The following NFIA variants were observed in gnomAD, a reference collection of about 807,000 sequenced individuals.
NFIA encodes nuclear factor I A.
A neutral mutation model predicts 62.8 loss-of-function variants in NFIA; 8 were observed. That is an observed-to-expected ratio of 0.13 (90% CI 0.07 to 0.23). NFIA has a LOEUF of 0.23. Ranked by LOEUF, NFIA falls within the 10% of genes least tolerant of loss-of-function variation. The probability of loss-of-function intolerance (pLI) is 1.00; values close to 1 mark genes in which losing one functional copy is unlikely to be tolerated. For missense variants in NFIA, 410 were observed against 642.1 expected (o/e 0.64, Z 3.91); for synonymous variants, 235 against 238.1 (o/e 0.99, Z 0.12).
At chr1:61,145,924 T>C (rs897385213) in intron 2 of NFIA, among the ~76,000 whole-genome samples, 6 of 152,234 alleles carry the variant, frequency 3.9e-5, no homozygotes, top group Non-Finnish European at 8.8e-5. Flanking sequence ...TCCTGTGTTT[T>C]AGTTTCCTAT....
intron 6 of NFIA, 141 bp downstream of exon 6, chr1:61,359,415 A>G (rs1663163169): frequency 3.3e-6 from 4 of 1,214,138 alleles, no homozygotes; most frequent in Non-Finnish European, 4.6e-6. Flanking sequence ...TTGTATTGTA[A>G]TCTGATTGCC....
intron 2 of NFIA, among the ~76,000 whole-genome samples, chr1:61,174,234 G>T (rs2100552355): frequency 6.6e-6 from 1 of 152,322 alleles, no homozygotes; most frequent in African/African-American, 2.4e-5. Flanking sequence ...CCTTGGGTCT[G>T]TTCCCAGCCT....
intron 2 of NFIA, among the ~76,000 whole-genome samples, chr1:61,179,978 T>C (rs1026855194): frequency 6.6e-6 from 1 of 152,186 alleles, no homozygotes; most frequent in African/African-American, 2.4e-5. Context: ...GCGGCTGATA[T>C]CGAGTCAATC....
At chr1:61,437,496 G>A (rs1412671765) in intron 10 of NFIA, among the ~76,000 whole-genome samples, 1 of 152,106 alleles carries the variant, frequency 6.6e-6, no homozygotes, top group African/African-American at 2.4e-5. Context: ...TGATCTTAGA[G>A]AGGAGAAAGA....
chr1:61,136,259 T>A (rs545151041), intron 2 of NFIA, among the ~76,000 whole-genome samples: 2 of 152,344 alleles, frequency 1.3e-5, no homozygotes, highest in African/African-American at 4.8e-5. Flanking sequence ...AAGCTATTTT[T>A]CCTGACAACT....
intron 10 of NFIA, among the ~76,000 whole-genome samples, chr1:61,435,216 C>T (rs1436781413): frequency 2.0e-5 from 3 of 152,198 alleles, no homozygotes; most frequent in African/African-American, 4.8e-5. Flanking sequence ...CCTGTTCTGA[C>T]ATCCTGGCTG....
intron 6 of NFIA, among the ~76,000 whole-genome samples, chr1:61,364,324 C>T (rs1291943421): frequency 2.0e-5 from 3 of 152,118 alleles, no homozygotes; most frequent in African/African-American, 7.2e-5. Context: ...CTGTCTTTTC[C>T]ATTGCTGTAT....
chr1:61,263,393 G>T (rs1241336182), intron 2 of NFIA, among the ~76,000 whole-genome samples: 1 of 152,190 alleles, frequency 6.6e-6, no homozygotes, highest in Non-Finnish European at 1.5e-5. Flanking sequence ...GCACAGGCAG[G>T]AGTGTGGGGT....
At chr1:61,161,077 G>A (rs1459052259) in intron 2 of NFIA, among the ~76,000 whole-genome samples, 5 of 152,102 alleles carry the variant, frequency 3.3e-5, no homozygotes, top group Admixed American at 6.5e-5. Context: ...ACTATGCCCA[G>A]CTAATTTTTG....
chr1:61,432,769 C>T (rs1338440858), intron 10 of NFIA, among the ~76,000 whole-genome samples: 4 of 151,988 alleles, frequency 2.6e-5, no homozygotes, highest in Non-Finnish European at 4.4e-5. Context: ...CAGCTGCAAA[C>T]TCCCAAGATT....
intron 3 of NFIA, among the ~76,000 whole-genome samples, chr1:61,297,500 G>A (rs950569335): frequency 1.3e-5 from 2 of 152,164 alleles, no homozygotes; most frequent in African/African-American, 4.8e-5. Context: ...TCAAAAAGAA[G>A]AGTGAGCAAA....
chr1:61,153,249 A>G (rs1369599922), intron 2 of NFIA, among the ~76,000 whole-genome samples: 2 of 152,272 alleles, frequency 1.3e-5, no homozygotes, highest in East Asian at 1.9e-4. Context: ...ACTGTTCCCT[A>G]TTATATTATG....
chr1:61,320,570 ATAT>A (rs760882879), intron 3 of NFIA, among the ~76,000 whole-genome samples: 127 of 152,292 alleles, frequency 8.3e-4, no homozygotes, highest in Admixed American at 2.0e-3. Context: ...TTTTTAAAAA[ATAT>A]TATTGCTTCA....
intron 3 of NFIA, among the ~76,000 whole-genome samples, chr1:61,289,198 A>G (rs992840638): frequency 1.3e-5 from 2 of 152,198 alleles, no homozygotes; most frequent in Non-Finnish European, 2.9e-5. Flanking sequence ...TTGGCTGGAA[A>G]CAGCCTGGAG....
At chr1:61,304,070 G>A (rs1439832740) in intron 3 of NFIA, among the ~76,000 whole-genome samples, 1 of 152,042 alleles carries the variant, frequency 6.6e-6, no homozygotes, top group African/African-American at 2.4e-5. Context: ...GAGGCCGGAA[G>A]TTCGAGACCA....
intron 9 of NFIA, among the ~76,000 whole-genome samples, chr1:61,412,081 G>T (rs1190819301): frequency 6.6e-6 from 1 of 152,078 alleles, no homozygotes; most frequent in East Asian, 1.9e-4. Flanking sequence ...GTTGAAAATA[G>T]ATTGTCAGGA....
chr1:61,435,227 T>C (rs1667273999), intron 10 of NFIA, among the ~76,000 whole-genome samples: 1 of 152,218 alleles, frequency 6.6e-6, no homozygotes, highest in African/African-American at 2.4e-5. Context: ...ATCCTGGCTG[T>C]GCCATTTATC....
At chr1:61,209,710 G>A (rs1653124687) in intron 2 of NFIA, among the ~76,000 whole-genome samples, 1 of 151,720 alleles carries the variant, frequency 6.6e-6, no homozygotes, top group Admixed American at 6.6e-5. Context: ...AAATTAGCCA[G>A]GAATGGTGGT....
intron 2 of NFIA, among the ~76,000 whole-genome samples, chr1:61,243,116 C>T (rs1655443893): frequency 6.6e-6 from 1 of 152,026 alleles, no homozygotes; most frequent in African/African-American, 2.4e-5. Flanking sequence ...AATTGTCAAC[C>T]AAGGCCCAAT....
Sources: gnomAD v4.1 joint callset for allele counts (sites outside exome capture counted in the v4.1 genomes callset) on GRCh38, gnomAD v4.1.1 for gene constraint, MANE v1.5 for transcripts, NCBI Gene and HGNC (gene_info 2026-07-23, HGNC 2026-07-21) for gene names.